The following NEBL variants were observed in gnomAD, a reference collection of about 807,000 sequenced individuals.
NEBL encodes nebulette, also known as LIM and SH3 protein 2.
Under a neutral mutation model 140.2 loss-of-function variants are expected in NEBL, and 122 were observed. The ratio of observed to expected loss-of-function variants is 0.87; its 90% CI spans 0.75 to 1.01. The LOEUF (loss-of-function observed/expected upper bound fraction) is 1.01, where lower values mean the gene tolerates loss of function less well. NEBL is among the 50% of genes least tolerant of loss of function. NEBL has a pLI of 0.00. For synonymous variants in NEBL, 436 were observed against 398.9 expected (o/e 1.09, Z -1.11); for missense variants, 1,365 against 1,231.3 (o/e 1.11, Z -1.62).
chr10:21,016,815 C>T (rs1838574492), intron 3 of NEBL, among the ~76,000 whole-genome samples: 1 of 152,144 alleles, frequency 6.6e-6, no homozygotes, highest in East Asian at 1.9e-4. Context: ...AAATGAAATC[C>T]AATGCCATTA....
chr10:20,832,797 T>A (rs1023030298), intron 14 of NEBL, among the ~76,000 whole-genome samples: 2 of 152,220 alleles, frequency 1.3e-5, no homozygotes, highest in African/African-American at 4.8e-5. Context: ...GCCTCCTATC[T>A]TCCACTCATA....
At chr10:21,092,898 A>G (rs547901685) in intron 2 of NEBL, among the ~76,000 whole-genome samples, 56 of 152,150 alleles carry the variant, frequency 3.7e-4, no homozygotes, top group African/African-American at 1.3e-3. Context: ...ATGCCAAGCA[A>G]CTTGTGAAAT....
At chr10:21,221,476 C>A (rs1042484743) in intron 3 of NEBL, among the ~76,000 whole-genome samples, 1 of 151,766 alleles carries the variant, frequency 6.6e-6, no homozygotes, top group Non-Finnish European at 1.5e-5. Context: ...CCTACCTATT[C>A]TACAAGAAAA....
intron 3 of NEBL, among the ~76,000 whole-genome samples, chr10:20,971,262 C>T (rs1240868023): frequency 6.6e-6 from 1 of 152,006 alleles, no homozygotes; most frequent in Non-Finnish European, 1.5e-5. Context: ...AAAATTGAAG[C>T]CTAAAATATG....
chr10:20,876,734 G>T (rs1257132195), intron 5 of NEBL, among the ~76,000 whole-genome samples: 2 of 152,098 alleles, frequency 1.3e-5, no homozygotes, highest in African/African-American at 4.8e-5. Flanking sequence ...TTAAAATAGA[G>T]TTTAAAATTT....
intron 2 of NEBL, among the ~76,000 whole-genome samples, chr10:21,044,703 A>G (rs1435110884): frequency 2.0e-5 from 3 of 152,254 alleles, no homozygotes; most frequent in African/African-American, 7.2e-5. Flanking sequence ...ACATCTATGT[A>G]CCCTTTATCA....
intron 3 of NEBL, among the ~76,000 whole-genome samples, chr10:21,190,641 C>G (rs1477175600): frequency 6.6e-6 from 1 of 152,146 alleles, no homozygotes; most frequent in Non-Finnish European, 1.5e-5. Flanking sequence ...TCTCTTAATG[C>G]AACTTGGGTG....
rs5783760 is a variant in NEBL at position 21,024,068 on chromosome 10, G to GAA, written c.165-3869_165-3868dup. 7.5e-5 allele frequency among the ~76,000 whole-genome samples: 10 copies of GAA among 133,112 alleles called. 1 individual carries two copies. In the East Asian group the frequency reaches 1.7e-3, roughly 22 times the overall value. 87.3% of individuals were successfully genotyped at this position (133,112 alleles called of 152,430 possible). A position where few individuals can be genotyped will look rare whatever the true frequency, so the allele number is the denominator to read the frequency against. ...TATTTGGAAAAAGTGTTACTCTGGG[G>GAA]AAAAAAAAAAAAAACATTGAAAAGC... On this transcript the variant is annotated intron_variant, in intron 2 of 6. Transcript: ENST00000417816.
At chr10:21,280,554 A>C (rs1026475489) in intron 1 of NEBL, among the ~76,000 whole-genome samples, 2 of 151,428 alleles carry the variant, frequency 1.3e-5, no homozygotes, top group African/African-American at 4.9e-5. Flanking sequence ...GGGGTCCCCC[A>C]GAGTCAAGAA....
rs946038975 is a variant in NEBL at position 20,831,541 on chromosome 10, C to T, written c.1492G>A (p.Gly498Arg). The change falls in exon 15 of 28, where the codon GGG becomes AGG. Residue 498 changes from glycine (G) to arginine (R), a missense_variant. Gly to Arg is a moderately radical substitution (Grantham distance 125). Transcript: ENST00000377122. ...AGAGTGTCTGTGCTCACCTGCATCC[C>T]TTTCCCTTTAATTTCAGTCTCCAGA... Reference protein sequence around the residue: ...RDLETEIKGKGMQVSTDTLDV... With the variant: ...RDLETEIKGKRMQVSTDTLDV... 1.2e-6 allele frequency: 2 copies of T among 1,612,462 alleles called. No individual in the cohort carries two copies. Among genetic ancestry groups the T allele is most frequent in the African/African-American group, 2.7e-5 (2 of 74,614 alleles).
intron 4 of NEBL, among the ~76,000 whole-genome samples, chr10:20,928,607 T>C (rs967287828): frequency 5.9e-5 from 9 of 152,192 alleles, no homozygotes; most frequent in African/African-American, 1.7e-4. Context: ...TGCCCAAAAC[T>C]GTAGACATAT....
chr10:20,821,146 C>T (rs1171818364), intron 19 of NEBL, among the ~76,000 whole-genome samples: 2 of 152,176 alleles, frequency 1.3e-5, no homozygotes, highest in African/African-American at 2.4e-5. Context: ...AGTAAATTCA[C>T]ATTATTGACA....
At chr10:21,012,160 C>T (rs572289722) in intron 3 of NEBL, among the ~76,000 whole-genome samples, 19 of 152,028 alleles carry the variant, frequency 1.2e-4, no homozygotes, top group Non-Finnish European at 4.4e-5. Context: ...CTGCTTGCTT[C>T]GTACAATCTA....
chr10:21,197,960 A>G (rs1841677341), intron 3 of NEBL, among the ~76,000 whole-genome samples: 1 of 151,782 alleles, frequency 6.6e-6, no homozygotes, highest in South Asian at 2.1e-4. Context: ...CAACTCCTCC[A>G]GGAGATGGAT....
At chr10:20,994,341 C>T (rs963297916) in intron 3 of NEBL, among the ~76,000 whole-genome samples, 4 of 152,140 alleles carry the variant, frequency 2.6e-5, no homozygotes, top group African/African-American at 9.7e-5. Flanking sequence ...TACAGGGAAG[C>T]CAACTCCAGG....
intron 1 of NEBL, among the ~76,000 whole-genome samples, chr10:21,253,454 C>T (rs1034507634): frequency 3.3e-5 from 5 of 151,574 alleles, no homozygotes; most frequent in African/African-American, 9.7e-5. Flanking sequence ...ATATTGGCTT[C>T]GCATGCTGGG....
At chr10:21,145,565 C>A (rs980566137) in intron 2 of NEBL, among the ~76,000 whole-genome samples, 1 of 152,202 alleles carries the variant, frequency 6.6e-6, no homozygotes, top group Non-Finnish European at 1.5e-5. Flanking sequence ...TAGCACTTTA[C>A]ATAATCTATC....
At chr10:20,880,088 C>T (rs985833486) in intron 5 of NEBL, among the ~76,000 whole-genome samples, 1 of 152,196 alleles carries the variant, frequency 6.6e-6, no homozygotes, top group Non-Finnish European at 1.5e-5. Context: ...ATAGGCCAGG[C>T]ACGGTGGCTC....
chr10:21,049,140 A>T (rs924172905), intron 2 of NEBL, among the ~76,000 whole-genome samples: 3 of 152,258 alleles, frequency 2.0e-5, no homozygotes, highest in Non-Finnish European at 4.4e-5. Flanking sequence ...AGTGATCCGT[A>T]CTAAAAGTGT....
Sources: allele counts gnomAD v4.1 joint callset (sites outside exome capture counted in the v4.1 genomes callset), GRCh38; gene constraint gnomAD v4.1.1; transcripts MANE v1.5; gene names NCBI Gene and HGNC (gene_info 2026-07-23, HGNC 2026-07-21).